TOP1MT: variants seen among roughly 807,000 people sequenced by gnomAD.
The protein encoded by TOP1MT is DNA topoisomerase I mitochondrial, also known as DNA topoisomerase I, mitochondrial.
A neutral mutation model predicts 73.9 loss-of-function variants in TOP1MT; 80 were observed. That is an observed-to-expected ratio of 1.08 (90% CI 0.90 to 1.30). The LOEUF is 1.30. Among genes scored for constraint, TOP1MT ranks in the 50% most tolerant of loss-of-function variants. TOP1MT has a pLI of 0.00. For missense variants in TOP1MT, 815 were observed against 808.0 expected, an observed-to-expected ratio of 1.01 and a Z score of -0.10; for synonymous variants, 338 against 326.4, an observed-to-expected ratio of 1.04 and a Z score of -0.38.
At position 143,309,449 on chromosome 8, in the gene TOP1MT, CAA is replaced by C. The variant is rs748459157; in HGVS notation, c.1796_1797del (p.Phe599Ter). The C allele has an allele frequency of 1.5e-4, 246 of 1,613,602 alleles. No individual in the cohort carries two copies. Among genetic ancestry groups the C allele is most frequent in the Non-Finnish European group, 2.0e-4 (241 of 1,180,032 alleles). On this transcript the variant is annotated frameshift_variant, in exon 14 of 14. Coordinates refer to ENST00000329245, the MANE Select transcript of TOP1MT (RefSeq NM_052963.3). LOFTEE classifies it high-confidence loss of function. Reference sequence around the variant, plus strand: ...TTCAACACGGCTCGTCGTTAGAATTCAAAGTCTTCTCCTGCCATGGCGAGAGC... The same window carrying C: ...TTCAACACGGCTCGTCGTTAGAATTCAGTCTTCTCCTGCCATGGCGAGAGC... The part of the protein sequence containing the change: ...AWALAMAGED[F>X]EF
At chr8:143,324,408 C>G in intron 6 of TOP1MT, 77 bp downstream of exon 6, 1 of 1,598,626 alleles carries the variant, frequency 6.3e-7, no homozygotes, top group Non-Finnish European at 8.5e-7. Flanking sequence ...TGCCGGTGCC[C>G]GGCTTACACA....
chr8:143,317,068 C>T (rs565236828), intron 10 of TOP1MT, among the ~76,000 whole-genome samples: 3 of 152,248 alleles, frequency 2.0e-5, no homozygotes, highest in African/African-American at 7.2e-5. Flanking sequence ...CGAGCGTCAG[C>T]GCCCCTGAGC....
At chr8:143,330,004 A>G (rs1816810760) in intron 2 of TOP1MT, among the ~76,000 whole-genome samples, 1 of 152,196 alleles carries the variant, frequency 6.6e-6, no homozygotes, top group African/African-American at 2.4e-5. Context: ...GAGGGTGTTC[A>G]CCAGGAATTC....
chr8:143,332,570 G>A (rs1207746692), intron 1 of TOP1MT: 1 of 1,289,328 alleles, frequency 7.8e-7, no homozygotes, highest in African/African-American at 1.5e-5. Context: ...TGGGATGAGT[G>A]TCCTCAGAGC....
chr8:143,342,865 A>G (rs895762171), intron 2 of TOP1MT, among the ~76,000 whole-genome samples: 7 of 150,376 alleles, frequency 4.7e-5, no homozygotes, highest in African/African-American at 1.2e-4. Context: ...GCTCACTGCA[A>G]CCTCTGCCTC....
At chr8:143,334,943 C>A, upstream of TOP1MT, 1 of 1,225,808 alleles carries the variant, frequency 8.2e-7, no homozygotes, top group Non-Finnish European at 1.0e-6. Context: ...CCAGCCCCGC[C>A]CCCGAGCGCG....
At chr8:143,323,365 G>T (rs1301737667) in intron 7 of TOP1MT, among the ~76,000 whole-genome samples, 1 of 97,534 alleles carries the variant, frequency 1.0e-5, no homozygotes. Flanking sequence ...ACACCCACAG[G>T]CACGCCACAC....
intron 1 of TOP1MT, among the ~76,000 whole-genome samples, chr8:143,354,170 G>A (rs1016746384): frequency 6.6e-6 from 1 of 151,924 alleles, no homozygotes; most frequent in Non-Finnish European, 1.5e-5. Flanking sequence ...TACATCAGCA[G>A]ACGAACGGAT....
At position 143,342,603 on chromosome 8, in the gene TOP1MT, TCGC is replaced by T. The variant is rs1270762850; in HGVS notation, c.29+614_29+616del. ...TATTATTATTATTAGAGACAGAGTC[TCGC>T]TGTTATTATTATTATTATTAGAGAC... On this transcript the variant is annotated intron_variant, in intron 2 of 5. Coordinates refer to the TOP1MT transcript ENST00000518007. 1.2e-4 allele frequency among the ~76,000 whole-genome samples: 9 copies of T among 74,400 alleles called. 1 individual carries two copies. The highest frequency in any genetic ancestry group is 3.0e-4 in the Admixed American group (2 of 6,624). 48.8% of individuals were successfully genotyped at this position (74,400 alleles called of 152,430 possible).
At chr8:143,355,535 T>C (rs1817393732) in intron 1 of TOP1MT, 1 of 152,242 alleles carries the variant, frequency 6.6e-6, no homozygotes, top group Non-Finnish European at 1.5e-5. Context: ...GCAGGCCTAA[T>C]GCCTTTCAAC....
chr8:143,314,454 C>A (rs1275796188), intron 12 of TOP1MT, among the ~76,000 whole-genome samples: 1 of 151,930 alleles, frequency 6.6e-6, no homozygotes, highest in Non-Finnish European at 1.5e-5. Flanking sequence ...ATGAGCCGGG[C>A]GTGGTGGCGC....
intron 3 of TOP1MT, among the ~76,000 whole-genome samples, chr8:143,328,760 C>T (rs577832022): frequency 1.1e-4 from 16 of 152,344 alleles, no homozygotes; most frequent in African/African-American, 3.4e-4. Context: ...AAACGCGACC[C>T]GGCCAGAGCC....
Position 143,323,998 on chromosome 8 carries a change from C to A in TOP1MT, c.960+1G>T, listed in dbSNP as rs781461370. 1.9e-5 allele frequency: 31 copies of A among 1,613,570 alleles called. No homozygotes were observed. Among genetic ancestry groups the A allele is most frequent in the Middle Eastern group, 3.3e-4 (2 of 6,082 alleles). The stretch of plus-strand genomic sequence containing the variant: ...CGCCAGGAAGCGAGAAGGCCGCATA[C>A]CTTATCGATGAAATACAGGGCCACC... On this transcript the variant is annotated splice_donor_variant, in intron 7 of 13. Transcript: ENST00000329245. LOFTEE classifies it high-confidence loss of function.
At chr8:143,316,239 AC>A in intron 10 of TOP1MT, 113 bp from the exon 11 acceptor site, 2 of 1,519,702 alleles carry the variant, frequency 1.3e-6, no homozygotes, top group East Asian at 4.5e-5. Flanking sequence ...TCACACAGGC[AC>A]CCACTGGGAT....
intron 7 of TOP1MT, among the ~76,000 whole-genome samples, chr8:143,323,283 G>A (rs879047440): frequency 8.6e-4 from 64 of 74,826 alleles, no homozygotes; most frequent in South Asian, 5.0e-3. Flanking sequence ...ACACACGCAC[G>A]CCACACACGC....
At position 143,309,337 on chromosome 8, in the gene TOP1MT, GT is replaced by G; in HGVS notation, c.*103del. On this transcript the variant is annotated 3_prime_UTR_variant, in exon 14 of 14. Coordinates refer to ENST00000329245, the MANE Select transcript of TOP1MT (RefSeq NM_052963.3). ...CGGCCTGGGGACTTTTTCTAGTGAT[GT>G]ACAAGCACTTGCACACATTTTATTG... 7.8e-7 allele frequency: 1 copy of G among 1,278,122 alleles called. No homozygotes were observed. The highest frequency in any genetic ancestry group is 1.3e-5 in the South Asian group (1 of 74,400). The allele number at this position is 1,278,122 out of a possible 1,614,324, so 79.2% of individuals were successfully genotyped here.
upstream of TOP1MT, among the ~76,000 whole-genome samples, chr8:143,346,607 C>T (rs1217919128): frequency 1.3e-5 from 2 of 152,104 alleles, no homozygotes; most frequent in Non-Finnish European, 2.9e-5. Context: ...CACAGCAAGA[C>T]CTCATCTTAA....
chr8:143,316,156 C>T (rs200531542), intron 10 of TOP1MT, 30 bp from the exon 11 acceptor site: 21 of 1,613,500 alleles, frequency 1.3e-5, no homozygotes, highest in Middle Eastern at 1.6e-4. Flanking sequence ...AGAGGCAGCA[C>T]CCACGGGGCC....
At chr8:143,313,570 A>C (rs1403550387) in intron 12 of TOP1MT, among the ~76,000 whole-genome samples, 1 of 138,792 alleles carries the variant, frequency 7.2e-6, no homozygotes, top group East Asian at 2.2e-4. Flanking sequence ...AAAAAAAAAT[A>C]GGGCTGGGAG....
Sources: allele counts gnomAD v4.1 joint callset (sites outside exome capture counted in the v4.1 genomes callset), GRCh38; gene constraint gnomAD v4.1.1; transcripts MANE v1.5; gene names NCBI Gene and HGNC (gene_info 2026-07-23, HGNC 2026-07-21).